The following SRGAP3 variants were observed in gnomAD, a reference collection of about 807,000 sequenced individuals.
SRGAP3 encodes the protein SLIT-ROBO Rho GTPase-activating protein 3.
SRGAP3 carries 39 observed loss-of-function variants against 121.1 expected under a neutral mutation model. The observed-to-expected ratio is 0.32, with a 90% CI of 0.25 to 0.42. The LOEUF is 0.42. SRGAP3 is among the 10% of genes least tolerant of loss of function. The pLI, the probability that SRGAP3 is intolerant of heterozygous loss-of-function variation, is 1.00. For missense variants in SRGAP3, 1,213 were observed against 1,470.6 expected (o/e 0.82, Z 2.86); for synonymous variants, 601 against 570.0 (o/e 1.05, Z -0.77).
chr3:9,311,860 T>C (rs912630079), intron 3 of SRGAP3, among the ~76,000 whole-genome samples: 6 of 152,194 alleles, frequency 3.9e-5, no homozygotes, highest in African/African-American at 1.4e-4. Context: ...CCTGCTGTAA[T>C]ACTAGAAATA....
At chr3:9,071,881 T>A (rs367677022) in intron 4 of SRGAP3, among the ~76,000 whole-genome samples, 4 of 152,100 alleles carry the variant, frequency 2.6e-5, no homozygotes, top group African/African-American at 9.7e-5. Flanking sequence ...AAATACAGTA[T>A]AGAAGACAGT....
rs796837196 is a variant in SRGAP3 at position 9,082,558 on chromosome 3, T to C, written c.424-2471A>G. Reference sequence around the variant, plus strand: ...TCACCCAGTCTACGGTATTTTGTTATAGACACCTAAAAGGACCAAGACATT... The same window carrying C: ...TCACCCAGTCTACGGTATTTTGTTACAGACACCTAAAAGGACCAAGACATT... On this transcript the variant is annotated intron_variant, in intron 3 of 21. Transcript: ENST00000383836. 2.6e-5 allele frequency among the ~76,000 whole-genome samples: 4 copies of C among 152,242 alleles called. No homozygotes were observed. In the South Asian group the frequency reaches 6.2e-4, roughly 24 times the overall value.
chr3:9,154,957 A>G (rs999867639), intron 1 of SRGAP3, among the ~76,000 whole-genome samples: 3 of 151,530 alleles, frequency 2.0e-5, no homozygotes, highest in Non-Finnish European at 2.9e-5. Context: ...AACATATTTC[A>G]TCAATCTCCA....
chr3:9,008,682 C>G (rs1189145567), intron 18 of SRGAP3, among the ~76,000 whole-genome samples: 2 of 152,182 alleles, frequency 1.3e-5, no homozygotes, highest in Admixed American at 6.5e-5. Flanking sequence ...CTCTGCAGGA[C>G]ACATTCCTCA....
chr3:9,097,518 T>C (rs1355278602), intron 3 of SRGAP3, among the ~76,000 whole-genome samples: 1 of 152,178 alleles, frequency 6.6e-6, no homozygotes, highest in African/African-American at 2.4e-5. Context: ...TGCACTAGAC[T>C]ACCCACCTCT....
intron 1 of SRGAP3, among the ~76,000 whole-genome samples, chr3:9,186,499 C>T (rs1406444034): frequency 6.6e-6 from 1 of 152,136 alleles, no homozygotes; most frequent in South Asian, 2.1e-4. Context: ...TATGAAATAC[C>T]TACCACATGC....
chr3:9,211,137 AG>A (rs1952433277), intron 1 of SRGAP3, among the ~76,000 whole-genome samples: 2 of 152,084 alleles, frequency 1.3e-5, no homozygotes, highest in South Asian at 4.1e-4. Context: ...TAAGGTGTTG[AG>A]GGGGGAGAAG....
rs570954024 is a variant in SRGAP3 at position 9,013,734 on chromosome 3, C to T, written c.1919+3G>A. On this transcript the variant is annotated splice_donor_region_variant and intron_variant, in intron 16 of 21. Transcript: ENST00000383836. ...AAAAGGGGCCCCTTGGCCAGACACTCACTGGTTGAGGAAAGCGAAGAGGTA... is the reference window on the plus strand; with the variant it reads ...AAAAGGGGCCCCTTGGCCAGACACTTACTGGTTGAGGAAAGCGAAGAGGTA... 4.8e-5 allele frequency: 77 copies of T among 1,614,052 alleles called. No individual in the cohort carries two copies. The highest frequency in any genetic ancestry group is 5.8e-5 in the Non-Finnish European group (68 of 1,180,036).
At chr3:9,039,419 G>C (rs1217315811) in intron 10 of SRGAP3, among the ~76,000 whole-genome samples, 1 of 152,170 alleles carries the variant, frequency 6.6e-6, no homozygotes, top group Non-Finnish European at 1.5e-5. Context: ...TCTATGTCCA[G>C]ATCTTACGCT....
intron 1 of SRGAP3, among the ~76,000 whole-genome samples, chr3:9,209,602 C>T (rs1416115161): frequency 6.6e-6 from 1 of 152,228 alleles, no homozygotes; most frequent in Non-Finnish European, 1.5e-5. Flanking sequence ...TTTATAGCCA[C>T]TGATGCAGAA....
chr3:9,178,065 C>T (rs1469056061), intron 1 of SRGAP3, among the ~76,000 whole-genome samples: 1 of 152,000 alleles, frequency 6.6e-6, no homozygotes, highest in African/African-American at 2.4e-5. Context: ...CCCAGGAGTT[C>T]GAGATCAGCC....
At chr3:9,262,863 A>T (rs1954283571) in intron 3 of SRGAP3, among the ~76,000 whole-genome samples, 1 of 152,196 alleles carries the variant, frequency 6.6e-6, no homozygotes. Context: ...GCTTTGGACC[A>T]AGTGGGCCTA....
intron 3 of SRGAP3, among the ~76,000 whole-genome samples, chr3:9,319,724 G>C (rs946294063): frequency 1.3e-5 from 2 of 151,844 alleles, no homozygotes; most frequent in South Asian, 2.1e-4. Context: ...AGTTATGGAA[G>C]TAAATCAAAG....
intron 1 of SRGAP3, among the ~76,000 whole-genome samples, chr3:9,231,880 A>G (rs1012765284): frequency 2.0e-5 from 3 of 152,224 alleles, no homozygotes; most frequent in Non-Finnish European, 4.4e-5. Flanking sequence ...GAGGAAGCCA[A>G]GATGCAGAAT....
At chr3:9,260,103 A>G (rs1003678034) in intron 3 of SRGAP3, among the ~76,000 whole-genome samples, 4 of 152,124 alleles carry the variant, frequency 2.6e-5, no homozygotes, top group African/African-American at 7.2e-5. Context: ...GCCGTGAGGG[A>G]CAGTGCTATC....
intron 1 of SRGAP3, chr3:9,355,910 G>C (rs2030472631): frequency 6.6e-6 from 1 of 152,274 alleles, no homozygotes; most frequent in Non-Finnish European, 1.5e-5. Context: ...ACACATGAGA[G>C]GGAGAAGGGA....
At chr3:8,992,647 T>A in intron 20 of SRGAP3, 1 of 573,132 alleles carries the variant, frequency 1.7e-6, no homozygotes, top group East Asian at 3.0e-5. Context: ...TCACACATTA[T>A]TATTATTTTA....
intron 18 of SRGAP3, chr3:9,008,443 G>C (rs1437846204): frequency 1.2e-5 from 1 of 83,204 alleles, no homozygotes; most frequent in Non-Finnish European, 2.6e-5. Context: ...ACAGGAGTAG[G>C]AGAGAGAGAG....
intron 1 of SRGAP3, among the ~76,000 whole-genome samples, chr3:9,146,418 G>A (rs1002570958): frequency 3.9e-5 from 6 of 152,166 alleles, no homozygotes; most frequent in Admixed American, 2.0e-4. Flanking sequence ...AGCCCCAAGC[G>A]AAACCAGAGG....
Sources: allele counts gnomAD v4.1 joint callset (sites outside exome capture counted in the v4.1 genomes callset), GRCh38; gene constraint gnomAD v4.1.1; transcripts MANE v1.5; gene names NCBI Gene and HGNC (gene_info 2026-07-23, HGNC 2026-07-21).